The following DENND6B variants were observed in gnomAD, a reference collection of about 807,000 sequenced individuals.
DENND6B encodes protein DENND6B.
DENND6B carries 73 observed loss-of-function variants against 85.1 expected under a neutral mutation model. The observed-to-expected ratio is 0.86, with a 90% CI of 0.71 to 1.04. The LOEUF (loss-of-function observed/expected upper bound fraction) is 1.04, where lower values mean the gene tolerates loss of function less well. Among genes scored for constraint, DENND6B ranks in the 50% least tolerant of loss-of-function variants. The pLI, the probability that DENND6B is intolerant of heterozygous loss-of-function variation, is 0.00. For missense variants in DENND6B, 715 were observed against 785.8 expected (o/e 0.91, Z 1.08); for synonymous variants, 357 against 329.3 (o/e 1.08, Z -0.91).
chr22:50,317,705 G>A (rs1261186293), intron 4 of DENND6B, among the ~76,000 whole-genome samples: 2 of 152,140 alleles, frequency 1.3e-5, no homozygotes, highest in African/African-American at 4.8e-5. Flanking sequence ...AAGTCCCAGG[G>A]ACCCTGGGGA....
chr22:50,312,416 T>C lies in DENND6B; in HGVS notation c.1562A>G (p.Asn521Ser). 1.2e-6 allele frequency: 2 copies of C among 1,610,622 alleles called. No homozygotes were observed. The highest frequency in any genetic ancestry group is 1.7e-6 in the Non-Finnish European group (2 of 1,178,896). The change falls in exon 19 of 20, where the codon AAC becomes AGC. Residue 521 changes from asparagine (N) to serine (S), a missense_variant and splice_region_variant. Asn to Ser is a conservative substitution (Grantham distance 46). Coordinates refer to ENST00000413817, the MANE Select transcript of DENND6B (RefSeq NM_001001794.4). The stretch of plus-strand genomic sequence containing the variant: ...CTTGTCTTTCATCCAGGTCTCGATG[T>C]TCTGCAGGGCAAGACGGGGTCTACT... ...ALHLEAICEA[N>S]IETWMKDKSE...
rs551582830 is a variant in DENND6B at position 50,311,428 on chromosome 22, G to C, written c.*711C>G. The C allele has an allele frequency of 6.6e-6, 1 of 152,486 alleles. No homozygotes were observed. Among genetic ancestry groups the C allele is most frequent in the South Asian group, 2.1e-4 (1 of 4,828 alleles). The allele number at this position is 152,486 out of a possible 1,614,324, so 9.4% of individuals were successfully genotyped here. A position where few individuals can be genotyped will look rare whatever the true frequency, so the allele number is the denominator to read the frequency against. ...AGGAGCCCTGTCCACCTCCCAGAAG[G>C]GACGCACGGAGCTGGTGCCTGGTGG... On this transcript the variant is annotated 3_prime_UTR_variant, in exon 20 of 20. Coordinates refer to ENST00000413817, the MANE Select transcript of DENND6B (RefSeq NM_001001794.4).
chr22:50,317,729 C>G (rs2041901191), intron 4 of DENND6B, among the ~76,000 whole-genome samples, 179 bp downstream of exon 4: 1 of 152,174 alleles, frequency 6.6e-6, no homozygotes, highest in African/African-American at 2.4e-5. Context: ...CCTGGAAGAG[C>G]TGGCCCATCC....
chr22:50,315,702 T>G lies in DENND6B; in HGVS notation c.758+12A>C, dbSNP rs373469067. ...TCCTCAAAAGCAGTGTGCAGAACCC[T>G]AGGGGGCTCACCTGAACAGGTCCAG... On this transcript the variant is annotated intron_variant, in intron 9 of 19. Coordinates refer to ENST00000413817, the MANE Select transcript of DENND6B (RefSeq NM_001001794.4). 211 of 1,566,598 alleles carry G rather than the reference T, an allele frequency of 1.3e-4. 3 individuals are homozygous for G. In the African/African-American group the frequency reaches 2.3e-3, roughly 17 times the overall value.
At chr22:50,312,443 TCAG>T in intron 18 of DENND6B, 26 bp from the exon 19 acceptor site, 1 of 1,603,648 alleles carries the variant, frequency 6.2e-7, no homozygotes, top group Non-Finnish European at 8.5e-7. Context: ...GGGTCTACTG[TCAG>T]CAAGGCCCCT....
In DENND6B at chr22:50,313,331, T is replaced by C. The variant is rs2068113053; in HGVS notation, c.1347+115A>G. On this transcript the variant is annotated intron_variant, in intron 16 of 19. Coordinates refer to ENST00000413817, the MANE Select transcript of DENND6B (RefSeq NM_001001794.4). Reference sequence around the variant, plus strand: ...CCCCAGTTTCACAAACATGATGGCCTTGAGGCCTGTGGCTCCTGCCCAGCC... The same window carrying C: ...CCCCAGTTTCACAAACATGATGGCCCTGAGGCCTGTGGCTCCTGCCCAGCC... The C allele has an allele frequency of 2.2e-6, 3 of 1,384,754 alleles. No homozygotes were observed. The Admixed American group carries it at 7.9e-5, about 37-fold the overall frequency. 85.8% of individuals were successfully genotyped at this position (1,384,754 alleles called of 1,614,324 possible).
chr22:50,313,783 G>C (rs535833662), intron 14 of DENND6B, 31 bp downstream of exon 14: 6 of 1,610,264 alleles, frequency 3.7e-6, no homozygotes, highest in Non-Finnish European at 5.1e-6. Flanking sequence ...GGCTCCCTGC[G>C]TCCCCAGCCC....
rs755667280 is a variant in DENND6B, at chr22:50,316,377, C to T, written c.552G>A (p.Leu184=). 6.3e-7 allele frequency: 1 copy of T among 1,575,832 alleles called. No individual in the cohort carries two copies. The highest frequency in any genetic ancestry group is 8.6e-7 in the Non-Finnish European group (1 of 1,162,494). ...CGACTGATGGCCACTCACCTGCTTC[C>T]AGGCAGGGCGCCAGCTTGTCAAAGT... ...PEYFDKLAPC[L]EAVCSEIDQW... is the part of the protein sequence containing the mutation. The change falls in exon 6 of 20, where the codon CTG becomes CTA. Residue 184 remains leucine (L), a synonymous_variant. Coordinates refer to ENST00000413817, the MANE Select transcript of DENND6B (RefSeq NM_001001794.4).
At chr22:50,313,249 C>G in intron 16 of DENND6B, 141 bp from the exon 17 acceptor site, 4 of 1,158,242 alleles carry the variant, frequency 3.5e-6, no homozygotes, top group Non-Finnish European at 4.9e-6. Flanking sequence ...GACAGCCTTT[C>G]CCAGGGAGCA....
chr22:50,313,934 C>T, intron 13 of DENND6B, 56 bp from the exon 14 acceptor site: 2 of 1,539,908 alleles, frequency 1.3e-6, no homozygotes, highest in Non-Finnish European at 1.7e-6. Context: ...TCCCACACTC[C>T]TGCAGCCCCA....
At chr22:50,314,748 C>T (rs1184217204) in intron 10 of DENND6B, 48 bp from the exon 11 acceptor site, 2 of 1,575,324 alleles carry the variant, frequency 1.3e-6, no homozygotes, top group South Asian at 1.2e-5. Flanking sequence ...GCAGCCCAGG[C>T]ACAGCCGCGA....
chr22:50,318,905 C>A lies in DENND6B; in HGVS notation c.217-16G>T. 6.2e-7 allele frequency: 1 copy of A among 1,612,606 alleles called. No homozygotes were observed. Among genetic ancestry groups the A allele is most frequent in the Non-Finnish European group, 8.5e-7 (1 of 1,179,466 alleles). ...TGCTGCTTTTCTGAAACATATAAAA[C>A]CCCGGTGAGGGCCGACCCACTCCTG... On this transcript the variant is annotated splice_polypyrimidine_tract_variant and intron_variant, in intron 2 of 19. Coordinates refer to ENST00000413817, the MANE Select transcript of DENND6B (RefSeq NM_001001794.4).
chr22:50,313,552 A>AGGCCCCCCCCCCC, intron 15 of DENND6B, 53 bp from the exon 16 acceptor site: 2 of 389,646 alleles, frequency 5.1e-6, no homozygotes, highest in Non-Finnish European at 3.6e-6. Flanking sequence ...CCCCAGCCCC[A>AGGCCCCCCCCCCC]TCCCCCGCAG....
At chr22:50,315,583 C>T (rs1198693335) in intron 9 of DENND6B, 131 bp downstream of exon 9, 13 of 1,109,508 alleles carry the variant, frequency 1.2e-5, no homozygotes, top group South Asian at 6.3e-5. Flanking sequence ...CACACACACA[C>T]GTGCACACGT....
At chr22:50,313,171 C>G (rs1037576536) in intron 16 of DENND6B, 63 bp from the exon 17 acceptor site, 1 of 1,453,330 alleles carries the variant, frequency 6.9e-7, no homozygotes, top group Non-Finnish European at 9.4e-7. Context: ...ACCCGGTACG[C>G]TTCCCAGACA....
chr22:50,322,989 T>G (rs1243292803), intron 1 of DENND6B, among the ~76,000 whole-genome samples: 1 of 141,764 alleles, frequency 7.1e-6, no homozygotes, highest in African/African-American at 2.6e-5. Flanking sequence ...TAGCTGGGAC[T>G]ACAGGTGCCC....
At chr22:50,319,028 G>C (rs367888329) in intron 1 of DENND6B, 25 bp from the exon 2 acceptor site, 623 of 1,584,882 alleles carry the variant, frequency 3.9e-4, no homozygotes, top group Non-Finnish European at 5.2e-4. Context: ...AGAGTGCTTG[G>C]TGACACCATC....
In DENND6B at chr22:50,316,011, G is replaced by A. The variant is rs745327409; in HGVS notation, c.702+14C>T. 1.1e-5 allele frequency: 18 copies of A among 1,612,448 alleles called. No individual in the cohort carries two copies. Among genetic ancestry groups the A allele is most frequent in the Non-Finnish European group, 1.4e-5 (17 of 1,179,786 alleles). Reference sequence around the variant, plus strand: ...GCCCAGCTGTTTCAGCTCCACCTCCGCCTCAGCTCCCACCTCTTGGTCAAA... The same window carrying A: ...GCCCAGCTGTTTCAGCTCCACCTCCACCTCAGCTCCCACCTCTTGGTCAAA... On this transcript the variant is annotated intron_variant, in intron 8 of 19. Coordinates refer to ENST00000413817, the MANE Select transcript of DENND6B (RefSeq NM_001001794.4).
chr22:50,309,391 T>C lies in DENND6B; in HGVS notation c.*2748A>G, dbSNP rs1449362206. The C allele has an allele frequency of 1.3e-5, 2 of 152,270 alleles. No individual in the cohort carries two copies. Among genetic ancestry groups the C allele is most frequent in the Non-Finnish European group, 2.9e-5 (2 of 68,154 alleles). The allele number at this position is 152,270 out of a possible 1,614,324, so 9.4% of individuals were successfully genotyped here. On this transcript the variant is annotated 3_prime_UTR_variant, in exon 20 of 20. Coordinates refer to ENST00000413817, the MANE Select transcript of DENND6B (RefSeq NM_001001794.4). ...TTCACTGACTGCCCCTGGCCTGGAG[T>C]GCGTGGGGCGGGGAGGGCCATGGCC...
Sources: gnomAD v4.1 joint callset for allele counts (sites outside exome capture counted in the v4.1 genomes callset) on GRCh38, gnomAD v4.1.1 for gene constraint, MANE v1.5 for transcripts, NCBI Gene and HGNC (gene_info 2026-07-23, HGNC 2026-07-21) for gene names.